Variants in ADAMTS3 observed in about 807,000 individuals in gnomAD.
ADAMTS3 encodes ADAM metallopeptidase with thrombospondin type 1 motif 3.
Under a neutral mutation model 129.0 loss-of-function variants are expected in ADAMTS3, and 73 were observed. That is an observed-to-expected ratio of 0.57 (90% CI 0.47 to 0.69). ADAMTS3 has a LOEUF of 0.69. Among genes scored for constraint, ADAMTS3 ranks in the 30% least tolerant of loss-of-function variants. The pLI is 0.00. For synonymous variants in ADAMTS3, 477 were observed against 510.8 expected (o/e 0.93, Z 0.89); for missense variants, 1,457 against 1,514.5 (o/e 0.96, Z 0.63).
At position 72,310,987 on chromosome 4, in the gene ADAMTS3, A is replaced by G. The variant is rs908131686; in HGVS notation, c.2055+61T>C. The G allele has an allele frequency of 4.2e-6, 6 of 1,426,672 alleles. No individual in the cohort carries two copies. The African/African-American group carries it at 7.2e-5, about 17-fold the overall frequency. The allele number at this position is 1,426,672 out of a possible 1,614,324, so 88.4% of individuals were successfully genotyped here. On this transcript the variant is annotated intron_variant, in intron 14 of 21. Coordinates refer to ENST00000286657, the MANE Select transcript of ADAMTS3 (RefSeq NM_014243.3). Reference sequence around the variant, plus strand: ...ATAGTTTAAAAAATTAAAAATGTGCAGATGAATGACAGTAAACGTAGATAA... The same window carrying G: ...ATAGTTTAAAAAATTAAAAATGTGCGGATGAATGACAGTAAACGTAGATAA...
At chr4:72,446,528 G>A (rs1222132184) in intron 3 of ADAMTS3, among the ~76,000 whole-genome samples, 1 of 151,584 alleles carries the variant, frequency 6.6e-6, no homozygotes, top group Non-Finnish European at 1.5e-5. Context: ...GATCACACTG[G>A]TGTATGATCC....
chr4:72,538,483 T>C (rs1378223760), intron 3 of ADAMTS3, among the ~76,000 whole-genome samples: 1 of 151,650 alleles, frequency 6.6e-6, no homozygotes, highest in Non-Finnish European at 1.5e-5. Context: ...TGGACTGATA[T>C]ATTCAGAATA....
chr4:72,395,835 T>C (rs996454834), intron 4 of ADAMTS3, among the ~76,000 whole-genome samples: 2 of 152,182 alleles, frequency 1.3e-5, no homozygotes, highest in African/African-American at 4.8e-5. Flanking sequence ...TGTGTGTGCA[T>C]ATACACACGC....
At chr4:72,349,791 G>C (rs1720380445) in intron 4 of ADAMTS3, among the ~76,000 whole-genome samples, 1 of 151,926 alleles carries the variant, frequency 6.6e-6, no homozygotes, top group Non-Finnish European at 1.5e-5. Flanking sequence ...TTTTACTGAA[G>C]AAGAGTTCCA....
chr4:72,311,025 T>G (rs1164313072), intron 14 of ADAMTS3, 23 bp downstream of exon 14: 2 of 1,569,852 alleles, frequency 1.3e-6, no homozygotes, highest in Non-Finnish European at 1.7e-6. Context: ...TAGAAAGCCT[T>G]TGGGGAAGCA....
rs1282189112 is a variant in ADAMTS3 at position 72,318,679 on chromosome 4, G to C, written c.1378C>G (p.Pro460Ala). Reference sequence around the variant, plus strand: ...AGTTTAGGCCAATCATGATCAAAAGGGTCATCAAGGAGACAGTCATAGGAA... The same window carrying C: ...AGTTTAGGCCAATCATGATCAAAAGCGTCATCAAGGAGACAGTCATAGGAA... ...IHSYDCLLDD[P>A]FDHDWPKLPE... The change falls in exon 10 of 22, where the codon CCT (proline) becomes GCT (alanine). Residue 460 changes from proline to alanine, a missense_variant. By Grantham distance (27) the Pro-to-Ala change is conservative. Coordinates refer to ENST00000286657, the MANE Select transcript of ADAMTS3 (RefSeq NM_014243.3). The C allele has an allele frequency of 1.2e-6, 2 of 1,613,486 alleles. No individual in the cohort carries two copies. Among genetic ancestry groups the C allele is most frequent in the Non-Finnish European group, 1.7e-6 (2 of 1,179,718 alleles).
At chr4:72,355,141 C>A (rs1023851073) in intron 4 of ADAMTS3, among the ~76,000 whole-genome samples, 1 of 150,650 alleles carries the variant, frequency 6.6e-6, no homozygotes, top group Non-Finnish European at 1.5e-5. Context: ...ATAGTCTACT[C>A]ATTTTTTTTT....
chr4:72,334,877 G>A lies in ADAMTS3; in HGVS notation c.861+4617C>T, dbSNP rs1449202816. Among the ~76,000 whole-genome samples, 5 of 151,840 alleles carry A rather than the reference G, an allele frequency of 3.3e-5. No homozygotes were observed. In the East Asian group the frequency reaches 9.7e-4, roughly 29 times the overall value. On this transcript the variant is annotated intron_variant, in intron 5 of 21. Coordinates refer to ENST00000286657, the MANE Select transcript of ADAMTS3 (RefSeq NM_014243.3). ...ATCCATGTGTTTCTTCTTCATATAG[G>A]AAGCTTGGTGAAATGTCAAGATCTA...
intron 3 of ADAMTS3, among the ~76,000 whole-genome samples, chr4:72,421,185 T>G (rs150274112): frequency 6.6e-6 from 1 of 152,356 alleles, no homozygotes; most frequent in Non-Finnish European, 1.5e-5. Flanking sequence ...CTTCTAACAC[T>G]TTATGCCTTG....
rs772351587 is a variant in ADAMTS3, at chr4:72,318,606, A to G, written c.1451T>C (p.Phe484Ser). The G allele has an allele frequency of 1.2e-6, 2 of 1,613,742 alleles. No individual in the cohort carries two copies. The highest frequency in any genetic ancestry group is 1.7e-6 in the Non-Finnish European group (2 of 1,179,894). ...INYSMDEQCRFDFGVGYKMCT... is the reference protein window; with the variant it reads ...INYSMDEQCRSDFGVGYKMCT... ...CATTTTATAGCCAACACCAAAATCAAAACGACATTGCTCATCCATAGAATA... is the reference window on the plus strand; with the variant it reads ...CATTTTATAGCCAACACCAAAATCAGAACGACATTGCTCATCCATAGAATA... The change falls in exon 10 of 22, where the codon TTT becomes TCT. Residue 484 changes from phenylalanine to serine, a missense_variant. Transcript: ENST00000286657.
Position 72,563,081 on chromosome 4 carries a change from G to A in ADAMTS3, c.97+4293C>T, listed in dbSNP as rs79228407. Among the ~76,000 whole-genome samples the A allele has an allele frequency of 2.9e-3, 444 of 152,186 alleles. 1 individual carries two copies. The highest frequency in any genetic ancestry group is 0.01 in the African/African-American group (421 of 41,520). ...AGATCATCATTCTGGAAGCAGAGGC[G>A]ACCTTGAGGGTTTTTTAACATTTCT... On this transcript the variant is annotated intron_variant, in intron 2 of 21. Coordinates refer to ENST00000286657, the MANE Select transcript of ADAMTS3 (RefSeq NM_014243.3).
chr4:72,454,799 A>T lies in ADAMTS3; in HGVS notation c.505-39828T>A, dbSNP rs528665557. On this transcript the variant is annotated intron_variant, in intron 3 of 21. Transcript: ENST00000286657. ...GAGAAACAGGGTTTGAAGCCTATGAAGCCAGAATCTGGGCTGTGGACAAGT... is the reference window on the plus strand; with the variant it reads ...GAGAAACAGGGTTTGAAGCCTATGATGCCAGAATCTGGGCTGTGGACAAGT... 3.3e-5 allele frequency among the ~76,000 whole-genome samples: 5 copies of T among 151,800 alleles called. No individual in the cohort carries two copies. In the South Asian group the frequency reaches 1.0e-3, roughly 31 times the overall value.
chr4:72,559,812 T>A (rs934744658), intron 2 of ADAMTS3, among the ~76,000 whole-genome samples: 4 of 151,752 alleles, frequency 2.6e-5, no homozygotes, highest in Non-Finnish European at 5.9e-5. Flanking sequence ...AAACTACCAT[T>A]GACATTATTC....
intron 3 of ADAMTS3, among the ~76,000 whole-genome samples, chr4:72,532,535 A>G (rs1721071331): frequency 6.6e-6 from 1 of 152,018 alleles, no homozygotes; most frequent in South Asian, 2.1e-4. Flanking sequence ...AACTTTATAT[A>G]TATCTATCTT....
At chr4:72,334,713 CAGTA>C (rs1291705006) in intron 5 of ADAMTS3, among the ~76,000 whole-genome samples, 1 of 152,104 alleles carries the variant, frequency 6.6e-6, no homozygotes, top group Admixed American at 6.6e-5. Flanking sequence ...ACCACTTTCC[CAGTA>C]AATCAACCAT....
chr4:72,530,475 A>AATATATAAATATATAAACAT (rs1334957984), intron 3 of ADAMTS3, among the ~76,000 whole-genome samples: 1 of 81,632 alleles, frequency 1.2e-5, no homozygotes, highest in Non-Finnish European at 2.1e-5. Context: ...ATATTAATTT[A>AATATATAAATATATAAACAT]ATATATAAAT....
At chr4:72,388,172 A>G (rs1446905394) in intron 4 of ADAMTS3, among the ~76,000 whole-genome samples, 1 of 152,322 alleles carries the variant, frequency 6.6e-6, no homozygotes, top group Admixed American at 6.5e-5. Flanking sequence ...GACAGACACA[A>G]CCGCAAGGCT....
intron 3 of ADAMTS3, among the ~76,000 whole-genome samples, chr4:72,531,921 C>T (rs750542401): frequency 3.3e-5 from 5 of 152,088 alleles, no homozygotes; most frequent in South Asian, 2.1e-4. Flanking sequence ...GAACACATAG[C>T]TTCCAAGAAA....
chr4:72,487,437 G>T (rs1480357632), intron 3 of ADAMTS3, among the ~76,000 whole-genome samples: 1 of 152,092 alleles, frequency 6.6e-6, no homozygotes. Context: ...GAGAGTGAAG[G>T]AGTCAAAGAA....
Sources: gnomAD v4.1 joint callset for allele counts (sites outside exome capture counted in the v4.1 genomes callset) on GRCh38, gnomAD v4.1.1 for gene constraint, MANE v1.5 for transcripts, NCBI Gene and HGNC (gene_info 2026-07-23, HGNC 2026-07-21) for gene names.